The following EFHC2 variants were observed in gnomAD, a reference collection of about 807,000 sequenced individuals.
EFHC2 encodes the protein EF-hand domain-containing family member C2.
A neutral mutation model predicts 52.7 loss-of-function variants in EFHC2; 18 were observed. The observed-to-expected ratio is 0.34, with a 90% confidence interval of 0.24 to 0.51. The LOEUF (loss-of-function observed/expected upper bound fraction) is 0.51. Ranked by LOEUF, EFHC2 falls within the 20% of genes least tolerant of loss-of-function variation. The pLI is 0.97. For synonymous variants in EFHC2, 203 were observed against 204.1 expected, an observed-to-expected ratio of 0.99 and a Z score of 0.04; for missense variants, 513 against 562.5, an observed-to-expected ratio of 0.91 and a Z score of 0.89.
intron 2 of EFHC2, 138 bp from the exon 3 acceptor site, chrX:44,272,974 C>T (rs2037628221): frequency 4.2e-6 from 2 of 475,475 alleles, no homozygotes; most frequent in Admixed American, 4.1e-5. Context: ...TCATTCTACA[C>T]ATCAGCCATG....
intron 13 of EFHC2, among the ~76,000 whole-genome samples, chrX:44,169,326 A>G (rs2036724719): frequency 1.8e-5 from 2 of 111,153 alleles, no homozygotes; most frequent in South Asian, 7.8e-4. Flanking sequence ...CCCAGGCTGG[A>G]GTGCAGTGGT....
intron 1 of EFHC2, among the ~76,000 whole-genome samples, chrX:44,339,223 A>C (rs12688413): frequency 1.9e-5 from 2 of 106,897 alleles, no homozygotes; most frequent in African/African-American, 6.9e-5. Context: ...TGAGCTCTTC[A>C]TCATTCATTA....
At chrX:44,176,901 G>T (rs1479249010) in intron 12 of EFHC2, among the ~76,000 whole-genome samples, 1 of 112,023 alleles carries the variant, frequency 8.9e-6, no homozygotes, top group Non-Finnish European at 1.9e-5. Flanking sequence ...CTCTAGAGCA[G>T]CCCAAAAGTC....
At chrX:44,247,390 T>A (rs1286797531) in intron 7 of EFHC2, among the ~76,000 whole-genome samples, 1 of 111,673 alleles carries the variant, frequency 9.0e-6, no homozygotes, top group Non-Finnish European at 1.9e-5. Flanking sequence ...GAAGCTGCGG[T>A]TGCACTTGGC....
At chrX:44,277,333 G>A (rs1280162615) in intron 2 of EFHC2, among the ~76,000 whole-genome samples, 1 of 109,726 alleles carries the variant, frequency 9.1e-6, no homozygotes, top group African/African-American at 3.3e-5. Context: ...ACAAAACATC[G>A]GCAATGTTCA....
At chrX:44,204,864 T>TA (rs1485914003) in intron 11 of EFHC2, among the ~76,000 whole-genome samples, 1 of 111,551 alleles carries the variant, frequency 9.0e-6, no homozygotes, top group Non-Finnish European at 1.9e-5. Context: ...AACATGCAGA[T>TA]ACAAGAAATT....
intron 1 of EFHC2, among the ~76,000 whole-genome samples, chrX:44,332,184 A>G (rs1490763039): frequency 1.8e-5 from 2 of 111,588 alleles, no homozygotes; most frequent in Non-Finnish European, 3.8e-5. Flanking sequence ...AACCGAAATG[A>G]TATGGAAATA....
intron 2 of EFHC2, among the ~76,000 whole-genome samples, chrX:44,308,802 A>T (rs755622822): frequency 1.1e-3 from 124 of 113,027 alleles, no homozygotes; most frequent in Middle Eastern, 4.6e-3. Flanking sequence ...AACTTACTTT[A>T]GTCACTTAGT....
chrX:44,238,559 C>T (rs965143089), intron 8 of EFHC2, among the ~76,000 whole-genome samples: 1 of 110,994 alleles, frequency 9.0e-6, no homozygotes, highest in Non-Finnish European at 1.9e-5. Context: ...CCCCCATACA[C>T]TCTCATCTCC....
intron 11 of EFHC2, among the ~76,000 whole-genome samples, chrX:44,199,794 G>C (rs188607810): frequency 9.0e-6 from 1 of 111,701 alleles, no homozygotes; most frequent in Admixed American, 9.5e-5. Flanking sequence ...TCATTTCTGT[G>C]GTATTCTTTC....
chrX:44,157,229 A>G (rs1011915775), intron 14 of EFHC2, among the ~76,000 whole-genome samples: 4 of 112,102 alleles, frequency 3.6e-5, no homozygotes, highest in African/African-American at 1.3e-4. Context: ...CATGTAGGGG[A>G]GCCACCTCTG....
intron 11 of EFHC2, among the ~76,000 whole-genome samples, chrX:44,190,896 T>C (rs181276621): frequency 7.2e-5 from 8 of 111,620 alleles, no homozygotes; most frequent in African/African-American, 1.3e-4. Flanking sequence ...TGGTGTCCTG[T>C]CCAGGGCTGG....
chrX:44,296,373 A>G (rs1358877300), intron 2 of EFHC2, among the ~76,000 whole-genome samples: 1 of 112,438 alleles, frequency 8.9e-6, no homozygotes, highest in East Asian at 2.8e-4. Context: ...TATTTTTGAT[A>G]TGTAAATATA....
intron 2 of EFHC2, among the ~76,000 whole-genome samples, chrX:44,311,758 T>A (rs1448322546): frequency 1.8e-5 from 2 of 112,391 alleles, no homozygotes; most frequent in African/African-American, 3.2e-5. Flanking sequence ...TCTTGCCACA[T>A]CACATTTTAG....
At position 44,154,559 on chromosome X, in the gene EFHC2, C is replaced by T. The variant is rs748191609; in HGVS notation, c.2149-5663G>A. On this transcript the variant is annotated intron_variant, in intron 14 of 14. Coordinates refer to ENST00000420999, the MANE Select transcript of EFHC2 (RefSeq NM_025184.4). Reference sequence around the variant, plus strand: ...CTACAAAAGAAAAAAAAAAAAGTAGCGGGGTGTGGTGGTGTGGGCCTGTAG... The same window carrying T: ...CTACAAAAGAAAAAAAAAAAAGTAGTGGGGTGTGGTGGTGTGGGCCTGTAG... Among the ~76,000 whole-genome samples, 11 of 108,258 alleles carry T rather than the reference C, an allele frequency of 1.0e-4. No homozygotes were observed. In the East Asian group the frequency reaches 2.6e-3, roughly 26 times the overall value. The allele number at this position is 108,258 out of a possible 115,157, so 94.0% of individuals were successfully genotyped here.
At chrX:44,333,589 T>C (rs1302981179) in intron 1 of EFHC2, among the ~76,000 whole-genome samples, 1 of 111,035 alleles carries the variant, frequency 9.0e-6, no homozygotes. Context: ...CAAATTGTAA[T>C]GAAAGGGATA....
intron 11 of EFHC2, among the ~76,000 whole-genome samples, chrX:44,196,245 G>A (rs2036965322): frequency 1.8e-5 from 2 of 111,527 alleles, no homozygotes; most frequent in African/African-American, 6.5e-5. Context: ...ACCATGAACG[G>A]ATCATGGTCT....
chrX:44,300,479 G>A (rs1449416944), intron 2 of EFHC2, among the ~76,000 whole-genome samples: 6 of 111,343 alleles, frequency 5.4e-5, no homozygotes, highest in African/African-American at 9.8e-5. Flanking sequence ...TGGTGAAATC[G>A]TCTTTACAAA....
intron 2 of EFHC2, among the ~76,000 whole-genome samples, chrX:44,311,795 C>T (rs991458428): frequency 2.7e-5 from 3 of 111,729 alleles, no homozygotes; most frequent in African/African-American, 6.5e-5. Flanking sequence ...ATCATTACTA[C>T]GGTTTATTAC....
Sources: allele counts gnomAD v4.1 joint callset (sites outside exome capture counted in the v4.1 genomes callset), GRCh38; gene constraint gnomAD v4.1.1; transcripts MANE v1.5; gene names NCBI Gene and HGNC (gene_info 2026-07-23, HGNC 2026-07-21).